Variants in CACNB3 observed in about 807,000 individuals in gnomAD.
CACNB3 encodes voltage-dependent L-type calcium channel subunit beta-3.
A neutral mutation model predicts 63.7 loss-of-function variants in CACNB3; 36 were observed. That is an observed-to-expected ratio of 0.57 (90% CI 0.43 to 0.75). The LOEUF is 0.75. Among genes scored for constraint, CACNB3 ranks in the 30% least tolerant of loss-of-function variants. CACNB3 has a pLI of 0.00. For missense variants in CACNB3, 493 were observed against 648.6 expected, an observed-to-expected ratio of 0.76 and a Z score of 2.61; for synonymous variants, 241 against 250.6, an observed-to-expected ratio of 0.96 and a Z score of 0.36.
Position 48,825,698 on chromosome 12 carries a change from C to A in CACNB3, c.671C>A (p.Ala224Glu). The A allele has an allele frequency of 6.2e-7, 1 of 1,614,204 alleles. No homozygotes were observed. Among genetic ancestry groups the A allele is most frequent in the South Asian group, 1.1e-5 (1 of 91,076 alleles). Residue 224 changes from alanine to glutamate, a missense_variant, in exon 9 of 13, where the codon GCA becomes GAA. Coordinates refer to ENST00000301050, the MANE Select transcript of CACNB3 (RefSeq NM_000725.4). The surrounding 1 kb of genome is among the most constrained non-coding windows in gnomAD (Gnocchi z 4.5). The stretch of plus-strand genomic sequence containing the variant: ...CGAGTCACAGCCGACCTCTCCCTGG[C>A]AAAGCGATCTGTGCTCAACAATCCG... The part of the protein sequence containing the change: ...ITRVTADLSL[A>E]KRSVLNNPGK...
rs771528511 is a variant in CACNB3 at position 48,825,758 on chromosome 12, G to A, written c.731G>A (p.Arg244His). 19 of 1,612,574 alleles carry A rather than the reference G, an allele frequency of 1.2e-5. No homozygotes were observed. The highest frequency in any genetic ancestry group is 3.3e-5 in the South Asian group (3 of 91,048). Residue 244 changes from arginine to histidine, a missense_variant, in exon 9 of 13, where the codon CGC (arginine) becomes CAC (histidine). Arg to His is a conservative substitution (Grantham distance 29, BLOSUM62 0). Coordinates refer to ENST00000301050, the MANE Select transcript of CACNB3 (RefSeq NM_000725.4). The surrounding 1 kb of genome is among the most constrained non-coding windows in gnomAD (Gnocchi z 4.5). ...ACCATCATTGAGCGCTCCTCTGCCC[G>A]CTCCAGCATTGGTGAGAAGTCCCCA... is the stretch of plus-strand genomic sequence containing the variant. ...KRTIIERSSA[R>H]SSIAEVQSEI...
chr12:48,822,326 G>A (rs777050167), intron 1 of CACNB3, among the ~76,000 whole-genome samples: 3 of 152,118 alleles, frequency 2.0e-5, no homozygotes, highest in South Asian at 2.1e-4. Context: ...AAAGTCCAGC[G>A]TCCCTTACTC....
Position 48,818,774 on chromosome 12 carries a change from G to T in CACNB3, c.-156G>T. On this transcript the variant is annotated 5_prime_UTR_variant, in exon 1 of 13. Transcript: ENST00000301050. The surrounding 1 kb of genome is among the most constrained non-coding windows in gnomAD (Gnocchi z 4.3). ...TGAGCTCCGAGCAGCTGGTCTTCGC[G>T]GCTCGCTCCCTCCTTCGCGCTCTCT... 7.4e-7 allele frequency: 1 copy of T among 1,346,206 alleles called. No individual in the cohort carries two copies. Among genetic ancestry groups the T allele is most frequent in the Non-Finnish European group, 9.5e-7 (1 of 1,048,900 alleles). 83.4% of individuals were successfully genotyped at this position (1,346,206 alleles called of 1,614,324 possible). A position where few individuals can be genotyped will look rare whatever the true frequency, so the allele number is the denominator to read the frequency against.
chr12:48,819,098 C>T, intron 1 of CACNB3, 124 bp downstream of exon 1: 5 of 1,010,164 alleles, frequency 4.9e-6, no homozygotes, highest in Non-Finnish European at 5.9e-6. Context: ...TGTAGGGGGG[C>T]GCTCTAAGAA....
Position 48,827,980 on chromosome 12 carries a change from GCAT to G in CACNB3, c.*84_*86del. The G allele has an allele frequency of 8.2e-7, 1 of 1,221,888 alleles. No individual in the cohort carries two copies. The highest frequency in any genetic ancestry group is 1.2e-6 in the Non-Finnish European group (1 of 859,292). 75.7% of individuals were successfully genotyped at this position (1,221,888 alleles called of 1,614,324 possible). On this transcript the variant is annotated 3_prime_UTR_variant, in exon 13 of 13. Transcript: ENST00000301050. ...CTCCAGGCAGGGTGGCGTTAGACTG[GCAT>G]CAGGCTGGCACTAGGCTCAGCCCCC...
intron 4 of CACNB3, 95 bp downstream of exon 4, chr12:48,824,468 C>T: frequency 8.7e-7 from 1 of 1,155,706 alleles, no homozygotes; most frequent in South Asian, 1.5e-5. Context: ...ATGCATATCC[C>T]CCTGAAATAC....
rs781194837 is a variant in CACNB3, at chr12:48,825,191, T to C, written c.521T>C (p.Val174Ala). The change falls in exon 7 of 13, where the codon GTG becomes GCG. Residue 174 changes from valine (V) to alanine (A), a missense_variant. Transcript: ENST00000301050. This position sits in a 1 kb window ranked among gnomAD's most constrained non-coding sequence, Gnocchi z 4.5. ...GAACATGTTCCCCCATATGACGTGG[T>C]GCCCTCCATGCGGCCTGTGGTGCTG... ...QAEHVPPYDV[V>A]PSMRPVVLVG... The C allele has an allele frequency of 6.2e-7, 1 of 1,614,118 alleles. No homozygotes were observed. Among genetic ancestry groups the C allele is most frequent in the Non-Finnish European group, 8.5e-7 (1 of 1,180,016 alleles).
At position 48,824,678 on chromosome 12, in the gene CACNB3, G is replaced by C; in HGVS notation, c.417G>C (p.Gly139=). The change falls in exon 5 of 13, where the codon GGG becomes GGC. Residue 139 remains glycine (G), a synonymous_variant. Coordinates refer to ENST00000301050, the MANE Select transcript of CACNB3 (RefSeq NM_000725.4). ...CTCCCTTTCTTCTCAGGAGATCTGG[G>C]AACCCTTCCAGCCTGAGTGACATTG... The part of the protein sequence containing the change: ...LKQEQKARRS[G]NPSSLSDIGN... 2 of 1,613,566 alleles carry C rather than the reference G, an allele frequency of 1.2e-6. No individual in the cohort carries two copies. Among genetic ancestry groups the C allele is most frequent in the Non-Finnish European group, 1.7e-6 (2 of 1,179,820 alleles).
intron 1 of CACNB3, among the ~76,000 whole-genome samples, chr12:48,822,186 C>G (rs191845256): frequency 6.6e-6 from 1 of 152,282 alleles, no homozygotes; most frequent in Admixed American, 6.5e-5. Context: ...CCACTGGCAT[C>G]TCAGAATTGT....
At position 48,825,081 on chromosome 12, in the gene CACNB3, C is replaced by A; in HGVS notation, c.493-82C>A. 6.3e-7 allele frequency: 1 copy of A among 1,585,418 alleles called. No individual in the cohort carries two copies. The highest frequency in any genetic ancestry group is 8.7e-7 in the Non-Finnish European group (1 of 1,154,232). Reference sequence around the variant, plus strand: ...ACAGAGAGGGGAGGGAGCCCAGAACCTCTGGATCTGCCCTGACGCCAACCA... The same window carrying A: ...ACAGAGAGGGGAGGGAGCCCAGAACATCTGGATCTGCCCTGACGCCAACCA... On this transcript the variant is annotated intron_variant, in intron 6 of 12. Coordinates refer to ENST00000301050, the MANE Select transcript of CACNB3 (RefSeq NM_000725.4). The surrounding 1 kb of genome is among the most constrained non-coding windows in gnomAD (Gnocchi z 4.5).
In CACNB3 at chr12:48,825,556, G is replaced by A. The variant is rs1938087654; in HGVS notation, c.632+64G>A. 6.3e-7 allele frequency: 1 copy of A among 1,593,584 alleles called. No individual in the cohort carries two copies. Among genetic ancestry groups the A allele is most frequent in the South Asian group, 1.1e-5 (1 of 90,642 alleles). On this transcript the variant is annotated intron_variant, in intron 8 of 12. Coordinates refer to ENST00000301050, the MANE Select transcript of CACNB3 (RefSeq NM_000725.4). The surrounding 1 kb of genome is among the most constrained non-coding windows in gnomAD (Gnocchi z 4.5). Reference sequence around the variant, plus strand: ...AGAAGCTCATGGCCTACTTCCAGATGCCTGTAGCTAGTCTTCTCTAAGGGA... The same window carrying A: ...AGAAGCTCATGGCCTACTTCCAGATACCTGTAGCTAGTCTTCTCTAAGGGA...
At chr12:48,815,491 GAGAGGGAGGGAGGGAGGAGGGAGGAGAA>G (rs1942262315), upstream of CACNB3, 14 of 1,337,860 alleles carry the variant, frequency 1.0e-5, no homozygotes, top group South Asian at 1.8e-4. Context: ...GAAAGGAAGG[GAGAGGGAGGGAGGGAGGAGGGAGGAGAA>G]AGAGGGAGGG....
At chr12:48,814,663 G>C, upstream of CACNB3, 1 of 1,152,644 alleles carries the variant, frequency 8.7e-7, no homozygotes, top group Non-Finnish European at 1.2e-6. The surrounding 1 kb of genome is among the most constrained non-coding windows in gnomAD (Gnocchi z 6.9). Flanking sequence ...CTCGAGCTGG[G>C]ACTGCAGTTC....
At position 48,826,318 on chromosome 12, in the gene CACNB3, A is replaced by G; in HGVS notation, c.743-49A>G. ...GGAGCCCTCAAAGCCTGCTGGAGTGAGCAGTGGGCAGAGCTCCTGGTGAGC... is the reference window on the plus strand; with the variant it reads ...GGAGCCCTCAAAGCCTGCTGGAGTGGGCAGTGGGCAGAGCTCCTGGTGAGC... On this transcript the variant is annotated intron_variant, in intron 9 of 12. Transcript: ENST00000301050. The surrounding 1 kb of genome is among the most constrained non-coding windows in gnomAD (Gnocchi z 4.8). 1 of 1,603,522 alleles carries G rather than the reference A, an allele frequency of 6.2e-7. No individual in the cohort carries two copies. Among genetic ancestry groups the G allele is most frequent in the Non-Finnish European group, 8.5e-7 (1 of 1,170,956 alleles).
In CACNB3 at chr12:48,819,675, T is replaced by C. The variant is rs1000292650; in HGVS notation, c.45+701T>C. The C allele has an allele frequency of 1.1e-5, 5 of 455,758 alleles. No homozygotes were observed. The Admixed American group carries it at 1.2e-4, about 11-fold the overall frequency. 28.2% of individuals were successfully genotyped at this position (455,758 alleles called of 1,614,324 possible). ...TTCCTCTGCAGCGGGCATCCTGAGC[T>C]CTTGCCCAGCATGGAGGGCCTGGAG... On this transcript the variant is annotated intron_variant, in intron 1 of 12. Coordinates refer to ENST00000301050, the MANE Select transcript of CACNB3 (RefSeq NM_000725.4).
chr12:48,827,375 C>A (rs1334233796), intron 12 of CACNB3, among the ~76,000 whole-genome samples: 2 of 152,234 alleles, frequency 1.3e-5, no homozygotes, highest in Admixed American at 1.3e-4. Flanking sequence ...AACCTTCTCC[C>A]AGGCTGCCTT....
chr12:48,820,856 G>A (rs542572176), intron 1 of CACNB3: 9 of 152,296 alleles, frequency 5.9e-5, no homozygotes, highest in African/African-American at 2.2e-4. Flanking sequence ...CCATCCCAGG[G>A]TGAGAGGTCA....
Position 48,823,179 on chromosome 12 carries a change from C to T in CACNB3, c.46-165C>T, listed in dbSNP as rs552667558. Among the ~76,000 whole-genome samples the T allele has an allele frequency of 7.2e-5, 11 of 152,216 alleles. No homozygotes were observed. Among genetic ancestry groups the T allele is most frequent in the African/African-American group, 2.4e-4 (10 of 41,550 alleles). On this transcript the variant is annotated intron_variant, in intron 1 of 12. Coordinates refer to ENST00000301050, the MANE Select transcript of CACNB3 (RefSeq NM_000725.4). The surrounding 1 kb of genome is among the most constrained non-coding windows in gnomAD (Gnocchi z 4.2). Reference sequence around the variant, plus strand: ...GCCAGCTTTCCTGTAGCCTCAGAGGCACTGGGGCCCTTCTCAGGGGATAGG... The same window carrying T: ...GCCAGCTTTCCTGTAGCCTCAGAGGTACTGGGGCCCTTCTCAGGGGATAGG...
upstream of CACNB3, chr12:48,815,770 C>G (rs1435683306): frequency 8.4e-7 from 1 of 1,186,032 alleles, no homozygotes; most frequent in Non-Finnish European, 1.2e-6. Context: ...AGGGGGTTCC[C>G]CACTGGGTGG....
Sources: gnomAD v4.1 joint callset for allele counts (sites outside exome capture counted in the v4.1 genomes callset) on GRCh38, gnomAD v4.1.1 for gene constraint, Gnocchi (gnomAD v3.1) non-coding constraint, MANE v1.5 for transcripts, NCBI Gene and HGNC (gene_info 2026-07-23, HGNC 2026-07-21) for gene names.